Variants in OR1D2 observed in about 807,000 individuals in gnomAD.
The protein encoded by OR1D2 is olfactory receptor family 1 subfamily D member 2.
For missense variants in OR1D2, 357 were observed against 376.1 expected (o/e 0.95, Z 0.42); for synonymous variants, 157 against 153.9 (o/e 1.02, Z -0.15).
rs1249667912 is a variant in OR1D2 at position 3,088,934 on chromosome 17, C to T, written c.*3124G>A. 2 of 151,762 alleles carry T rather than the reference C, an allele frequency of 1.3e-5. No individual in the cohort carries two copies. Among genetic ancestry groups the T allele is most frequent in the Non-Finnish European group, 1.5e-5 (1 of 67,984 alleles). 9.4% of individuals were successfully genotyped at this position (151,762 alleles called of 1,614,324 possible). A position where few individuals can be genotyped will look rare whatever the true frequency, so the allele number is the denominator to read the frequency against. On this transcript the variant is annotated 3_prime_UTR_variant, in exon 2 of 2. Transcript: ENST00000641833. The stretch of plus-strand genomic sequence containing the variant: ...AGTTGAACTTCACCTTTCTCGGGCA[C>T]CTCCTTGATTAGCTTAATACTCAAC...
At chr17:3,097,260 G>C (rs1236601488) in intron 1 of OR1D2, among the ~76,000 whole-genome samples, 2 of 152,092 alleles carry the variant, frequency 1.3e-5, no homozygotes, top group East Asian at 1.9e-4. Flanking sequence ...AAAAAAACTT[G>C]AAAGCATTCC....
intron 1 of OR1D2, among the ~76,000 whole-genome samples, chr17:3,096,032 A>G (rs915342156): frequency 6.6e-6 from 1 of 152,216 alleles, no homozygotes; most frequent in Non-Finnish European, 1.5e-5. Flanking sequence ...GCTGATTCTG[A>G]TAAGATGTAT....
chr17:3,093,600 G>A (rs567356121), intron 1 of OR1D2, among the ~76,000 whole-genome samples: 6 of 152,244 alleles, frequency 3.9e-5, no homozygotes, highest in African/African-American at 1.4e-4. Flanking sequence ...TATAGGGTGG[G>A]GGAAAATTAA....
chr17:3,095,576 A>G (rs2047840322), intron 1 of OR1D2, among the ~76,000 whole-genome samples: 1 of 152,098 alleles, frequency 6.6e-6, no homozygotes, highest in African/African-American at 2.4e-5. Flanking sequence ...CACAAAAAGG[A>G]AAGAACAGTG....
chr17:3,093,136 T>C (rs1165297548), intron 1 of OR1D2, 90 bp from the exon 2 acceptor site: 1 of 796,892 alleles, frequency 1.3e-6, no homozygotes, highest in Non-Finnish European at 2.0e-6. Flanking sequence ...TTTTTGAAAA[T>C]AAGAAAGTGA....
rs1254629609 is a variant in OR1D2 at position 3,089,701 on chromosome 17, G to GT, written c.*2356dup. On this transcript the variant is annotated 3_prime_UTR_variant, in exon 2 of 2. Coordinates refer to ENST00000641833, the MANE Select transcript of OR1D2 (RefSeq NM_002548.3). Reference sequence around the variant, plus strand: ...ATGTGTGAGCTCCGACTCTCCTTCGGTGGGGCTTGCTGTGGCCACTGTGAG... The same window carrying GT: ...ATGTGTGAGCTCCGACTCTCCTTCGGTTGGGGCTTGCTGTGGCCACTGTGAG... 1 of 152,378 alleles carries GT rather than the reference G, an allele frequency of 6.6e-6. No homozygotes were observed. The highest frequency in any genetic ancestry group is 1.9e-4 in the East Asian group (1 of 5,196). The allele number at this position is 152,378 out of a possible 1,614,324, so 9.4% of individuals were successfully genotyped here.
intron 1 of OR1D2, among the ~76,000 whole-genome samples, chr17:3,095,964 G>C (rs2047842987): frequency 6.6e-6 from 1 of 151,940 alleles, no homozygotes; most frequent in South Asian, 2.1e-4. Context: ...GAAAATAATA[G>C]AATTATATAG....
chr17:3,098,489 A>T lies in OR1D2; in HGVS notation c.-50-5443T>A, dbSNP rs1397661471. On this transcript the variant is annotated intron_variant, in intron 1 of 1. Coordinates refer to ENST00000641833, the MANE Select transcript of OR1D2 (RefSeq NM_002548.3). ...AACAGCAGCATCAACAACAGCAAAA[A>T]AGTCCTCACAAAAACCCCATCCAAG... Among the ~76,000 whole-genome samples, 3 of 152,148 alleles carry T rather than the reference A, an allele frequency of 2.0e-5. No individual in the cohort carries two copies. The East Asian group carries it at 5.8e-4, about 29-fold the overall frequency.
In OR1D2 at chr17:3,092,890, AG is replaced by A. The variant is rs761096905; in HGVS notation, c.106del (p.Leu36TrpfsTer48). ...ILFWMFLSMY[L>X]VTVVGNVLII... ...GAGCACATTTCCCACCACCGTGACC[AG>A]GTACATGGACAGGAACATCCAAAAC... is the stretch of plus-strand genomic sequence containing the variant. On this transcript the variant is annotated frameshift_variant, in exon 2 of 2. Coordinates refer to ENST00000641833, the MANE Select transcript of OR1D2 (RefSeq NM_002548.3). LOFTEE classifies it low-confidence loss of function (END_TRUNC). The A allele has an allele frequency of 3.1e-6, 5 of 1,614,000 alleles. No individual in the cohort carries two copies. The South Asian group carries it at 5.5e-5, about 18-fold the overall frequency.
intron 1 of OR1D2, among the ~76,000 whole-genome samples, chr17:3,096,722 G>A (rs2047846580): frequency 6.6e-6 from 1 of 152,200 alleles, no homozygotes; most frequent in Non-Finnish European, 1.5e-5. Context: ...TACGTGAAGG[G>A]AACTGATAGA....
chr17:3,099,724 T>C (rs2047866002), intron 1 of OR1D2, among the ~76,000 whole-genome samples: 1 of 152,048 alleles, frequency 6.6e-6, no homozygotes, highest in Admixed American at 6.5e-5. Flanking sequence ...AAGACACAGG[T>C]GGCCAATTTG....
At chr17:3,097,816 C>T (rs1336721777) in intron 1 of OR1D2, among the ~76,000 whole-genome samples, 2 of 152,222 alleles carry the variant, frequency 1.3e-5, no homozygotes, top group African/African-American at 2.4e-5. Context: ...TCTATAGCTC[C>T]AGCCCACACT....
In OR1D2 at chr17:3,092,682, G is replaced by T; in HGVS notation, c.315C>A (p.Val105=). ...TGAGGTTGTCCAGGGCCACCAAGGA[G>T]ACCAGGAAGTAGAGCTGTGTCAGAC... ...AGCLTQLYFL[V]SLVALDNLIL... is the part of the protein sequence containing the mutation. The change falls in exon 2 of 2, where the codon GTC becomes GTA. Residue 105 remains valine (V), a synonymous_variant. Coordinates refer to ENST00000641833, the MANE Select transcript of OR1D2 (RefSeq NM_002548.3). 5.6e-6 allele frequency: 9 copies of T among 1,614,148 alleles called. No individual in the cohort carries two copies. The highest frequency in any genetic ancestry group is 7.6e-6 in the Non-Finnish European group (9 of 1,180,018).
chr17:3,096,807 C>A (rs972067045), intron 1 of OR1D2, among the ~76,000 whole-genome samples: 2 of 149,268 alleles, frequency 1.3e-5, no homozygotes, highest in African/African-American at 5.0e-5. Context: ...ATGGATAGAA[C>A]AACTAGAAAG....
In OR1D2 at chr17:3,092,091, T is replaced by A. The variant is rs760421791; in HGVS notation, c.906A>T (p.Arg302Ser). Residue 302 changes from arginine to serine, a missense_variant, in exon 2 of 2, where the codon AGA becomes AGT. Transcript: ENST00000641833. ...GCCTCTTAAAGTGTTTATCTAGGAG[T>A]CTTCCCAGAGCCCCATGCATGTCCT... Reference protein sequence around the residue: ...RNKDMHGALGRLLDKHFKRLT With the variant: ...RNKDMHGALGSLLDKHFKRLT 3 of 1,612,684 alleles carry A rather than the reference T, an allele frequency of 1.9e-6. No individual in the cohort carries two copies. The East Asian group carries it at 6.7e-5, about 36-fold the overall frequency.
At chr17:3,094,345 A>T (rs2047832398) in intron 1 of OR1D2, among the ~76,000 whole-genome samples, 1 of 152,154 alleles carries the variant, frequency 6.6e-6, no homozygotes, top group African/African-American at 2.4e-5. Context: ...TCGAAAGCCT[A>T]ATGTGTATAG....
chr17:3,096,424 A>G (rs1161019209), intron 1 of OR1D2, among the ~76,000 whole-genome samples: 1 of 152,224 alleles, frequency 6.6e-6, no homozygotes, highest in Non-Finnish European at 1.5e-5. Context: ...GAAAAACGGA[A>G]TGGCTGTACT....
chr17:3,095,596 G>A (rs2047840437), intron 1 of OR1D2, among the ~76,000 whole-genome samples: 1 of 151,810 alleles, frequency 6.6e-6, no homozygotes, highest in Admixed American at 6.6e-5. Context: ...GATAAAGTAT[G>A]AAAATGTGAT....
intron 1 of OR1D2, among the ~76,000 whole-genome samples, chr17:3,097,112 G>A (rs1380953005): frequency 6.6e-6 from 1 of 152,186 alleles, no homozygotes; most frequent in Admixed American, 6.5e-5. Context: ...TATTGTGGAG[G>A]ATAATATACT....
Sources: allele counts gnomAD v4.1 joint callset (sites outside exome capture counted in the v4.1 genomes callset), GRCh38; gene constraint gnomAD v4.1.1; transcripts MANE v1.5; gene names NCBI Gene and HGNC (gene_info 2026-07-23, HGNC 2026-07-21).